Variants in WDPCP observed in about 807,000 individuals in gnomAD.
The protein encoded by WDPCP is WD repeat containing planar cell polarity effector, also known as WD repeat-containing and planar cell polarity effector protein fritz homolog.
In WDPCP, 71 loss-of-function variants were observed where a neutral mutation model predicts 93.1. The observed-to-expected ratio is 0.76, with a 90% CI of 0.63 to 0.93. WDPCP has a LOEUF of 0.93. Among genes scored for constraint, WDPCP ranks in the 40% least tolerant of loss-of-function variants. The pLI is 0.00. For missense variants in WDPCP, 844 were observed against 887.4 expected, an observed-to-expected ratio of 0.95 and a Z score of 0.62; for synonymous variants, 315 against 315.0, an observed-to-expected ratio of 1.00 and a Z score of 0.00.
chr2:63,664,557 G>C (rs982645183), intron 2 of WDPCP, among the ~76,000 whole-genome samples: 2 of 152,170 alleles, frequency 1.3e-5, no homozygotes, highest in African/African-American at 4.8e-5. Context: ...TGAAATGCTT[G>C]CATCATAGCT....
chr2:63,126,666 G>GTGTTTTTTT (rs1553536654), intron 17 of WDPCP, among the ~76,000 whole-genome samples: 16 of 98,118 alleles, frequency 1.6e-4, no homozygotes, highest in African/African-American at 5.9e-4. Context: ...CTTGTTTTGT[G>GTGTTTTTTT]TTTTTTTTTT....
At chr2:63,573,550 C>A (rs1249311368) in intron 1 of WDPCP, among the ~76,000 whole-genome samples, 1 of 152,168 alleles carries the variant, frequency 6.6e-6, no homozygotes, top group East Asian at 1.9e-4. Context: ...TCTCTTAATT[C>A]CATCATCTTC....
chr2:63,824,524 G>T (rs1227140427), intron 1 of WDPCP, among the ~76,000 whole-genome samples: 4 of 130,818 alleles, frequency 3.1e-5, no homozygotes, highest in African/African-American at 1.2e-4. Context: ...CTCCAGCCTG[G>T]GCGACCATGT....
At chr2:63,790,812 A>T (rs978944885) in intron 2 of WDPCP, among the ~76,000 whole-genome samples, 1 of 152,210 alleles carries the variant, frequency 6.6e-6, no homozygotes, top group Admixed American at 6.5e-5. Flanking sequence ...CTTCTATGCT[A>T]CTTCTAAGAA....
chr2:63,342,432 T>G (rs1019719533), intron 12 of WDPCP, among the ~76,000 whole-genome samples: 1 of 152,230 alleles, frequency 6.6e-6, no homozygotes, highest in Admixed American at 6.5e-5. Context: ...ATAAATCATA[T>G]GTGTTTTGTT....
intron 2 of WDPCP, among the ~76,000 whole-genome samples, chr2:63,757,831 G>A (rs760085897): frequency 6.6e-6 from 1 of 152,162 alleles, no homozygotes; most frequent in Non-Finnish European, 1.5e-5. Context: ...CACATGTATA[G>A]ATGGAACCTC....
intron 2 of WDPCP, among the ~76,000 whole-genome samples, chr2:63,694,071 CCCT>C (rs1315038725): frequency 1.3e-5 from 2 of 152,166 alleles, no homozygotes; most frequent in African/African-American, 2.4e-5. Flanking sequence ...TATCATTCTT[CCCT>C]CCTCTTCTCT....
At position 63,245,200 on chromosome 2, in the gene WDPCP, G is replaced by C. The variant is rs1178516383; in HGVS notation, c.1915+14107C>G. On this transcript the variant is annotated intron_variant, in intron 14 of 17. Coordinates refer to ENST00000272321, the MANE Select transcript of WDPCP (RefSeq NM_015910.7). ...GCACACCCACAAAGGTTAATAAAAT[G>C]GCACAAGTGCAAGCCAGGTGTGCCA... Among the ~76,000 whole-genome samples, 4 of 151,974 alleles carry C rather than the reference G, an allele frequency of 2.6e-5. No individual in the cohort carries two copies. The South Asian group carries it at 6.2e-4, about 24-fold the overall frequency.
At chr2:63,621,632 G>A (rs909174608) in intron 3 of WDPCP, among the ~76,000 whole-genome samples, 12 of 152,058 alleles carry the variant, frequency 7.9e-5, no homozygotes, top group Non-Finnish European at 1.5e-4. Context: ...CTTCCCCAAC[G>A]TAGCAAGGCA....
In WDPCP at chr2:63,212,794, C is replaced by CAAAA. The variant is rs544051993; in HGVS notation, c.1916-37966_1916-37963dup. 4.3e-4 allele frequency among the ~76,000 whole-genome samples: 53 copies of CAAAA among 122,946 alleles called. 1 individual carries two copies. Among genetic ancestry groups the CAAAA allele is most frequent in the Admixed American group, 3.7e-3 (46 of 12,382 alleles). The allele number at this position is 122,946 out of a possible 152,430, so 80.7% of individuals were successfully genotyped here. A position where few individuals can be genotyped will look rare whatever the true frequency, so the allele number is the denominator to read the frequency against. ...GAAGATCTACCACAAAAATGGAAAA[C>CAAAA]AAAAAAAAAAAAAGCAGGGGTTGCA... On this transcript the variant is annotated intron_variant, in intron 14 of 17. Transcript: ENST00000272321.
chr2:63,784,273 A>G (rs191725416), intron 2 of WDPCP, among the ~76,000 whole-genome samples: 6 of 152,160 alleles, frequency 3.9e-5, no homozygotes, highest in African/African-American at 1.2e-4. Context: ...GGACCTCTGA[A>G]GCAGTTAGAA....
chr2:63,625,122 G>A (rs746072582), intron 3 of WDPCP, among the ~76,000 whole-genome samples: 8 of 152,070 alleles, frequency 5.3e-5, no homozygotes, highest in Admixed American at 3.9e-4. Flanking sequence ...TTGGTAAAAT[G>A]CAACACCCCT....
In WDPCP at chr2:63,229,453, C is replaced by T. The variant is rs1678624607; in HGVS notation, c.1915+29854G>A. On this transcript the variant is annotated intron_variant, in intron 14 of 17. Coordinates refer to ENST00000272321, the MANE Select transcript of WDPCP (RefSeq NM_015910.7). ...TTTAGTTTAATTAGATCCCATTTGT[C>T]AATTTTGGCTTTTGTTGCCATTGCT... is the stretch of plus-strand genomic sequence containing the variant. The T allele has an allele frequency of 2.6e-5, 4 of 151,810 alleles. No homozygotes were observed. The South Asian group carries it at 8.3e-4, about 31-fold the overall frequency. 9.4% of individuals were successfully genotyped at this position (151,810 alleles called of 1,614,324 possible).
chr2:63,339,179 A>G (rs568425843), intron 12 of WDPCP, among the ~76,000 whole-genome samples: 5 of 150,994 alleles, frequency 3.3e-5, no homozygotes, highest in African/African-American at 1.2e-4. Context: ...TATTTTTTTA[A>G]TTTTTATTTT....
chr2:63,394,537 G>A (rs1441953651), intron 10 of WDPCP, among the ~76,000 whole-genome samples: 2 of 152,082 alleles, frequency 1.3e-5, no homozygotes, highest in African/African-American at 2.4e-5. Flanking sequence ...TCATTACTGG[G>A]TATATACTCA....
chr2:63,313,886 A>ATGTGTGTGTGTATATATATATATATTT lies in WDPCP; in HGVS notation c.1749-576_1749-575insAAATATATATATATATACACACACACA. ...TATATATATATATATATATATATAT[A>ATGTGTGTGTGTATATATATATATATTT]TTTTTTTTTTTTTGGAGATGGAGTC... is the stretch of plus-strand genomic sequence containing the variant. On this transcript the variant is annotated intron_variant, in intron 12 of 17. Transcript: ENST00000272321. 3.8e-4 allele frequency among the ~76,000 whole-genome samples: 28 copies of ATGTGTGTGTGTATATATATATATATTT among 74,460 alleles called. 2 individuals are homozygous for ATGTGTGTGTGTATATATATATATATTT. Among genetic ancestry groups the ATGTGTGTGTGTATATATATATATATTT allele is most frequent in the Admixed American group, 5.0e-4 (3 of 6,004 alleles). 48.8% of individuals were successfully genotyped at this position (74,460 alleles called of 152,430 possible).
chr2:63,437,669 T>TC (rs748905991), intron 7 of WDPCP, 115 bp from the exon 8 acceptor site: 5 of 1,083,008 alleles, frequency 4.6e-6, no homozygotes, highest in Non-Finnish European at 6.6e-6. Flanking sequence ...ATCACTAAAG[T>TC]CTCTTGAATA....
chr2:63,350,896 T>C (rs1001106902), intron 12 of WDPCP, among the ~76,000 whole-genome samples: 2 of 152,084 alleles, frequency 1.3e-5, no homozygotes, highest in Non-Finnish European at 2.9e-5. Context: ...TATCCTGAAA[T>C]CTAATTAAAT....
At chr2:63,431,129 C>CT (rs1696726868) in intron 9 of WDPCP, among the ~76,000 whole-genome samples, 1 of 147,450 alleles carries the variant, frequency 6.8e-6, no homozygotes, top group East Asian at 2.0e-4. Flanking sequence ...TTTTCATGGT[C>CT]TGTTATGTAA....
Sources: allele counts gnomAD v4.1 joint callset (sites outside exome capture counted in the v4.1 genomes callset), GRCh38; gene constraint gnomAD v4.1.1; transcripts MANE v1.5; gene names NCBI Gene and HGNC (gene_info 2026-07-23, HGNC 2026-07-21).